The following INTS6 variants were observed in gnomAD, a reference collection of about 807,000 sequenced individuals.
INTS6 encodes the protein integrator complex subunit 6, also known as DEAD box protein.
Under a neutral mutation model 104.9 loss-of-function variants are expected in INTS6, and 16 were observed. That is an observed-to-expected ratio of 0.15 (90% CI 0.10 to 0.23). INTS6 has a LOEUF of 0.23. INTS6 is among the 10% of genes least tolerant of loss of function. The pLI is 1.00. For synonymous variants in INTS6, 324 were observed against 358.7 expected, an observed-to-expected ratio of 0.90 and a Z score of 1.09; for missense variants, 584 against 1,062.8, an observed-to-expected ratio of 0.55 and a Z score of 6.26.
At chr13:51,345,539 G>T in the INTS6 span, among the ~76,000 whole-genome samples, 8 of 139,822 alleles carry the variant, frequency 5.7e-5, no homozygotes, top group African/African-American at 2.1e-4. Context: ...AGGTTGCAGT[G>T]AGCTGAGACT....
chr13:51,393,010 G>C (rs1723192508), intron 5 of INTS6, among the ~76,000 whole-genome samples: 1 of 151,308 alleles, frequency 6.6e-6, no homozygotes, highest in Admixed American at 6.6e-5. Flanking sequence ...CATTTCCTTA[G>C]TGAACATGAA....
chr13:51,345,847 T>C, the INTS6 span, among the ~76,000 whole-genome samples: 1 of 152,236 alleles, frequency 6.6e-6, no homozygotes, highest in Non-Finnish European at 1.5e-5. Flanking sequence ...GCAGGCTGAT[T>C]GTCCTCTAAG....
chr13:51,352,028 C>A (rs1434658112), downstream of INTS6, among the ~76,000 whole-genome samples: 1 of 152,090 alleles, frequency 6.6e-6, no homozygotes, highest in Admixed American at 6.5e-5. Flanking sequence ...ACCACACAGT[C>A]TTCATTACTG....
chr13:51,347,264 A>G, the INTS6 span: 3 of 1,595,466 alleles, frequency 1.9e-6, no homozygotes, highest in African/African-American at 2.7e-5. Context: ...GTTTGTCTAA[A>G]GGGAGAGGAA....
intron 3 of INTS6, 186 bp downstream of exon 3, chr13:51,450,839 G>T: frequency 8.2e-7 from 1 of 1,213,410 alleles, no homozygotes; most frequent in Non-Finnish European, 1.0e-6. Flanking sequence ...ATTTTAGAGG[G>T]GGAAAAAATG....
intron 3 of INTS6, chr13:51,446,421 T>C (rs1952919653): frequency 6.6e-6 from 1 of 152,152 alleles, no homozygotes. Context: ...TTAGTGAAGA[T>C]ATAAAGAAAG....
At chr13:51,449,580 T>C (rs984538319) in intron 3 of INTS6, 12 of 985,162 alleles carry the variant, frequency 1.2e-5, no homozygotes, top group Middle Eastern at 1.0e-3. Flanking sequence ...AACTAATAGT[T>C]CTGCCATACA....
chr13:51,419,179 TGAG>T (rs1447082762), intron 4 of INTS6, among the ~76,000 whole-genome samples: 2 of 152,216 alleles, frequency 1.3e-5, no homozygotes, highest in Admixed American at 1.3e-4. Context: ...TCCTCTTTTA[TGAG>T]GAAGTGAAAA....
In INTS6 at chr13:51,374,234, A is replaced by C. The variant is rs1484551113; in HGVS notation, c.2078T>G (p.Leu693Arg). The C allele has an allele frequency of 6.2e-7, 1 of 1,613,860 alleles. No homozygotes were observed. Among genetic ancestry groups the C allele is most frequent in the South Asian group, 1.1e-5 (1 of 91,064 alleles). ...TTTATGAAGAGGAAGAGGTTTAATAAGATCTGGCTGTGCTTGAGTTGTAGG... is the reference window on the plus strand; with the variant it reads ...TTTATGAAGAGGAAGAGGTTTAATACGATCTGGCTGTGCTTGAGTTGTAGG... Reference protein sequence around the residue: ...PAPTTQAQPDLIKPLPLHKIS... With the variant: ...PAPTTQAQPDRIKPLPLHKIS... Residue 693 changes from leucine (L) to arginine (R), a missense_variant, in exon 15 of 18, where the codon CTT becomes CGT. Physicochemically the swap from Leu to Arg is moderately radical, Grantham distance 102 (BLOSUM62 -2). Around this residue, in one of 5 missense-constraint regions of INTS6, gnomAD observed 296 missense variants for 437.0 expected, o/e 0.68. Coordinates refer to ENST00000311234, the MANE Select transcript of INTS6 (RefSeq NM_012141.3).
At chr13:51,348,398 G>A in the INTS6 span, 1 of 1,613,660 alleles carries the variant, frequency 6.2e-7, no homozygotes, top group Non-Finnish European at 8.5e-7. Context: ...CAGGATGGAT[G>A]TGTTCCTGCC....
chr13:51,355,119 A>C, intron 3 of INTS6: 1 of 1,539,904 alleles, frequency 6.5e-7, no homozygotes, highest in South Asian at 1.2e-5. Flanking sequence ...TGATCCACTC[A>C]AAGCTAACTT....
chr13:51,387,779 G>A (rs191205376), intron 6 of INTS6, among the ~76,000 whole-genome samples: 27 of 152,214 alleles, frequency 1.8e-4, no homozygotes, highest in Admixed American at 6.5e-4. Context: ...AAGGAGGTCC[G>A]CAGCATCCTT....
Position 51,452,644 on chromosome 13 carries a change from A to T in INTS6, c.-119T>A. On this transcript the variant is annotated 5_prime_UTR_variant, in exon 1 of 18. Coordinates refer to ENST00000311234, the MANE Select transcript of INTS6 (RefSeq NM_012141.3). The surrounding 1 kb of genome is among the most constrained non-coding windows in gnomAD (Gnocchi z 4.2). ...GCGGGGGAGCACGGCCCCCGGGAGG[A>T]AAACACTGTCTGGGTCTTTCCTCCG... 1 of 1,498,558 alleles carries T rather than the reference A, an allele frequency of 6.7e-7. No individual in the cohort carries two copies. The highest frequency in any genetic ancestry group is 8.9e-7 in the Non-Finnish European group (1 of 1,122,894). The allele number at this position is 1,498,558 out of a possible 1,614,324, so 92.8% of individuals were successfully genotyped here.
chr13:51,341,655 A>G, the INTS6 span, among the ~76,000 whole-genome samples: 4 of 152,124 alleles, frequency 2.6e-5, no homozygotes, highest in African/African-American at 9.7e-5. Flanking sequence ...GTTTCATGGC[A>G]ATGTTTCAGT....
At chr13:51,390,218 G>A (rs1439016317) in intron 5 of INTS6, among the ~76,000 whole-genome samples, 1 of 151,878 alleles carries the variant, frequency 6.6e-6, no homozygotes, top group Non-Finnish European at 1.5e-5. Flanking sequence ...TGTAGCTATT[G>A]AGAACTTGAA....
chr13:51,448,083 T>C (rs990618820), intron 3 of INTS6: 1 of 152,128 alleles, frequency 6.6e-6, no homozygotes, highest in Non-Finnish European at 1.5e-5. Flanking sequence ...TATATATTGA[T>C]GGAAAACAGG....
At chr13:51,438,072 A>C (rs1329042794) in intron 3 of INTS6, 1 of 152,186 alleles carries the variant, frequency 6.6e-6, no homozygotes, top group Non-Finnish European at 1.5e-5. Flanking sequence ...CCTGGTTCGT[A>C]AAAAATGTGG....
intron 4 of INTS6, among the ~76,000 whole-genome samples, chr13:51,416,120 GT>G (rs1340815027): frequency 6.6e-6 from 1 of 152,124 alleles, no homozygotes; most frequent in East Asian, 1.9e-4. Context: ...AGAATCAAAA[GT>G]CAGACTGTAA....
At chr13:51,414,798 C>T (rs1956754436) in intron 4 of INTS6, among the ~76,000 whole-genome samples, 1 of 150,150 alleles carries the variant, frequency 6.7e-6, no homozygotes, top group Non-Finnish European at 1.5e-5. Context: ...ATTTCCGTTT[C>T]TTCCTTCTAT....
Sources: gnomAD v4.1 joint callset for allele counts (sites outside exome capture counted in the v4.1 genomes callset) on GRCh38, gnomAD v4.1.1 for gene constraint, gnomAD v4.1.1 regional missense constraint, Gnocchi (gnomAD v3.1) non-coding constraint, MANE v1.5 for transcripts, NCBI Gene and HGNC (gene_info 2026-07-23, HGNC 2026-07-21) for gene names.